TACC2: variants seen among roughly 807,000 people sequenced by gnomAD.
The protein encoded by TACC2 is transforming acidic coiled-coil-containing protein 2.
In TACC2, 137 loss-of-function variants were observed where a neutral mutation model predicts 227.3. The observed-to-expected ratio is 0.60, with a 90% confidence interval of 0.52 to 0.69. The LOEUF (loss-of-function observed/expected upper bound fraction) is 0.69, where lower values mean the gene tolerates loss of function less well. Among genes scored for constraint, TACC2 ranks in the 30% least tolerant of loss-of-function variants. TACC2 has a pLI of 0.00. For synonymous variants in TACC2, 1,523 were observed against 1,487.5 expected (o/e 1.02, Z -0.55); for missense variants, 3,470 against 3,694.4 (o/e 0.94, Z 1.57).
At position 122,084,098 on chromosome 10, in the gene TACC2, C is replaced by A. The variant is rs752444601; in HGVS notation, c.1598C>A (p.Pro533His). ...GAGGTCCAACCAGGAGCACCACCCCCTCCTCTTCCCAAGGCACCAAGTGAA... is the reference window on the plus strand; with the variant it reads ...GAGGTCCAACCAGGAGCACCACCCCATCCTCTTCCCAAGGCACCAAGTGAA... ...SHEVQPGAPP[P>H]PLPKAPSESA... is the part of the protein sequence containing the mutation. Residue 533 changes from proline (P) to histidine (H), a missense_variant, in exon 4 of 23, where the codon CCT becomes CAT. Physicochemically the swap from Pro to His is moderately conservative, Grantham distance 77. Transcript: ENST00000369005. 6.2e-7 allele frequency: 1 copy of A among 1,614,120 alleles called. No individual in the cohort carries two copies. The highest frequency in any genetic ancestry group is 2.2e-5 in the East Asian group (1 of 44,870).
intron 5 of TACC2, among the ~76,000 whole-genome samples, chr10:122,102,918 T>A (rs746141085): frequency 2.7e-4 from 41 of 152,236 alleles, no homozygotes; most frequent in Middle Eastern, 3.4e-3. Context: ...TGGGTGGAGG[T>A]AATGGCTGAA....
chr10:122,213,012 C>T (rs778808095), intron 9 of TACC2, among the ~76,000 whole-genome samples: 2 of 152,210 alleles, frequency 1.3e-5, no homozygotes, highest in South Asian at 2.1e-4. Context: ...GTCTCATAGG[C>T]GTCCCCAGTC....
rs2094490793 is a variant in TACC2 at position 122,194,030 on chromosome 10, G to T, written c.5835-1010G>T. Among the ~76,000 whole-genome samples the T allele has an allele frequency of 6.6e-6, 1 of 152,162 alleles. No individual in the cohort carries two copies. The highest frequency in any genetic ancestry group is 6.5e-5 in the Admixed American group (1 of 15,280). On this transcript the variant is annotated intron_variant, in intron 7 of 22. Coordinates refer to ENST00000369005, the MANE Select transcript of TACC2 (RefSeq NM_206862.4). This position sits in a 1 kb window ranked among gnomAD's most constrained non-coding sequence, Gnocchi z 4.4. ...ACTTCTGGGCTTAAGTGATCCTCCT[G>T]CCTCACCCTCCCTAGTAGCTGAGAC...
At chr10:122,103,067 A>G (rs923623386) in intron 5 of TACC2, among the ~76,000 whole-genome samples, 1 of 152,176 alleles carries the variant, frequency 6.6e-6, no homozygotes, top group African/African-American at 2.4e-5. Context: ...AGAAGACTAA[A>G]GCACTATTCC....
At position 122,084,795 on chromosome 10, in the gene TACC2, G is replaced by A. The variant is rs569034512; in HGVS notation, c.2295G>A (p.Pro765=). 8.1e-6 allele frequency: 13 copies of A among 1,613,626 alleles called. No individual in the cohort carries two copies. Among genetic ancestry groups the A allele is most frequent in the African/African-American group, 6.7e-5 (5 of 75,056 alleles). The change falls in exon 4 of 23, where the codon CCG becomes CCA. Residue 765 remains proline, a synonymous_variant. Transcript: ENST00000369005. ...LLTSPDQPRG[P]ACDASRQEFH... is the part of the protein sequence containing the mutation. The stretch of plus-strand genomic sequence containing the variant: ...CGTCCCCAGATCAACCCCGCGGGCC[G>A]GCGTGTGATGCGTCGAGACAGGAAT...
intron 7 of TACC2, among the ~76,000 whole-genome samples, chr10:122,187,461 A>C (rs1184737862): frequency 6.6e-6 from 1 of 152,126 alleles, no homozygotes; most frequent in Non-Finnish European, 1.5e-5. Context: ...GCTTGCTAGC[A>C]GAATTACATT....
At chr10:122,051,812 A>C (rs1275579894) in intron 3 of TACC2, 1 of 142,654 alleles carries the variant, frequency 7.0e-6, no homozygotes, top group Non-Finnish European at 1.5e-5. Context: ...AAGTCAGAGC[A>C]ACCCCTGGTG....
intron 11 of TACC2, among the ~76,000 whole-genome samples, chr10:122,217,923 TC>T (rs1008396343): frequency 6.6e-6 from 1 of 152,058 alleles, no homozygotes; most frequent in African/African-American, 2.4e-5. Context: ...TTTTGAGTTT[TC>T]CTTTCTCGAT....
intron 5 of TACC2, among the ~76,000 whole-genome samples, chr10:122,108,442 C>CTTTTT (rs34097153): frequency 7.2e-4 from 65 of 90,040 alleles, no homozygotes; most frequent in African/African-American, 1.1e-3. Flanking sequence ...GTCATATTTT[C>CTTTTT]TTTTTTTTTT....
chr10:122,248,266 C>T (rs755489006), intron 19 of TACC2: 21 of 199,616 alleles, frequency 1.1e-4, no homozygotes, highest in South Asian at 5.5e-4. Flanking sequence ...ATCGTCCCAA[C>T]GCAAAATTCA....
chr10:122,216,594 T>A lies in TACC2; in HGVS notation c.7345-33T>A, dbSNP rs774878081. ...GCACAGTTTCTGACCAAGAGTCTGA[T>A]GAGACAAGAAACAGTTTCTCTTCTC... On this transcript the variant is annotated intron_variant, in intron 10 of 22. Transcript: ENST00000369005. 16 of 1,602,324 alleles carry A rather than the reference T, an allele frequency of 1.0e-5. No individual in the cohort carries two copies. The South Asian group carries it at 1.6e-4, about 16-fold the overall frequency.
At chr10:122,103,804 G>T (rs1338186901) in intron 5 of TACC2, among the ~76,000 whole-genome samples, 3 of 152,166 alleles carry the variant, frequency 2.0e-5, no homozygotes, top group Non-Finnish European at 4.4e-5. Flanking sequence ...GAGAGAGGAA[G>T]GATGGAGGAC....
chr10:122,101,224 A>T (rs113378386), intron 5 of TACC2, among the ~76,000 whole-genome samples: 2,365 of 152,266 alleles, frequency 0.016, 77 homozygotes, highest in African/African-American at 0.054. Flanking sequence ...CACCTGCAAA[A>T]TGAGTATAAA....
At position 122,050,353 on chromosome 10, in the gene TACC2, G is replaced by C. The variant is rs547459721; in HGVS notation, c.34-85G>C. 2.3e-5 allele frequency: 23 copies of C among 1,013,132 alleles called. 1 individual carries two copies. The South Asian group carries it at 3.3e-4, about 15-fold the overall frequency. The allele number at this position is 1,013,132 out of a possible 1,614,324, so 62.8% of individuals were successfully genotyped here. A position where few individuals can be genotyped will look rare whatever the true frequency, so the allele number is the denominator to read the frequency against. On this transcript the variant is annotated intron_variant, in intron 2 of 22. Transcript: ENST00000369005. The surrounding 1 kb of genome is among the most constrained non-coding windows in gnomAD (Gnocchi z 4.6). ...TGAACAACCTTACCTTGAATGCTGT[G>C]GTGGGTGCCCTGTTGATAAATGTTT... is the stretch of plus-strand genomic sequence containing the variant.
At chr10:122,220,072 T>C (rs979159311) in intron 11 of TACC2, among the ~76,000 whole-genome samples, 1 of 151,796 alleles carries the variant, frequency 6.6e-6, no homozygotes, top group Non-Finnish European at 1.5e-5. Context: ...AGAAGCCAAC[T>C]TGAGCTGGAC....
intron 2 of TACC2, among the ~76,000 whole-genome samples, chr10:122,031,293 C>G (rs1028118530): frequency 3.3e-5 from 5 of 151,998 alleles, no homozygotes; most frequent in African/African-American, 1.2e-4. Flanking sequence ...GCTCTACTTT[C>G]CTTTGTGATT....
intron 2 of TACC2, among the ~76,000 whole-genome samples, chr10:122,048,227 G>A (rs1168291405): frequency 6.6e-6 from 1 of 152,016 alleles, no homozygotes; most frequent in African/African-American, 2.4e-5. Flanking sequence ...CTTCCTGGGG[G>A]ACCTTGGGGG....
In TACC2 at chr10:122,084,761, G is replaced by A. The variant is rs1401954590; in HGVS notation, c.2261G>A (p.Gly754Asp). Residue 754 changes from glycine (G) to aspartate (D), a missense_variant, in exon 4 of 23, where the codon GGC (glycine) becomes GAC (aspartate). Around this residue, in one of 10 missense-constraint regions of TACC2, gnomAD observed 1,924 missense variants for 1,978.3 expected, o/e 0.97. Transcript: ENST00000369005. ...AAGATGGGCAGCTGTGATGGGGAGGGCTTGCTGACGTCCCCAGATCAACCC... is the reference window on the plus strand; with the variant it reads ...AAGATGGGCAGCTGTGATGGGGAGGACTTGCTGACGTCCCCAGATCAACCC... ...IRKMGSCDGE[G>D]LLTSPDQPRG... 1 of 1,613,472 alleles carries A rather than the reference G, an allele frequency of 6.2e-7. No homozygotes were observed. The highest frequency in any genetic ancestry group is 8.5e-7 in the Non-Finnish European group (1 of 1,180,030).
At chr10:122,073,735 C>T (rs1330161754) in intron 3 of TACC2, among the ~76,000 whole-genome samples, 2 of 152,142 alleles carry the variant, frequency 1.3e-5, no homozygotes, top group African/African-American at 4.8e-5. Flanking sequence ...AACCGCACTT[C>T]ACCTAGTGCT....
Sources: gnomAD v4.1 joint callset for allele counts (sites outside exome capture counted in the v4.1 genomes callset) on GRCh38, gnomAD v4.1.1 for gene constraint, gnomAD v4.1.1 regional missense constraint, Gnocchi (gnomAD v3.1) non-coding constraint, MANE v1.5 for transcripts, NCBI Gene and HGNC (gene_info 2026-07-23, HGNC 2026-07-21) for gene names.